Variants in ANKMY2 observed in about 807,000 individuals in gnomAD.
ANKMY2 encodes ankyrin repeat and MYND domain-containing protein 2.
In ANKMY2, 36 loss-of-function variants were observed where a neutral mutation model predicts 50.4. That is an observed-to-expected ratio of 0.71 (90% CI 0.55 to 0.94). The LOEUF is 0.94. ANKMY2 is among the 40% of genes least tolerant of loss of function. The pLI is 0.00. For synonymous variants in ANKMY2, 187 were observed against 178.8 expected, an observed-to-expected ratio of 1.05 and a Z score of -0.36; for missense variants, 565 against 524.0, an observed-to-expected ratio of 1.08 and a Z score of -0.76.
At position 16,608,506 on chromosome 7, in the gene ANKMY2, G is replaced by GTTCC. The variant is rs1201813346; in HGVS notation, c.882+1120_882+1123dup. On this transcript the variant is annotated intron_variant, in intron 7 of 9. Transcript: ENST00000306999. ...TCTGGAGCCCACTTGAAGCCCTGAT[G>GTTCC]TTCCACACTGAGAATGACATAACAA... Among the ~76,000 whole-genome samples, 4 of 152,112 alleles carry GTTCC rather than the reference G, an allele frequency of 2.6e-5. No homozygotes were observed. The East Asian group carries it at 5.8e-4, about 22-fold the overall frequency.
At chr7:16,633,610 C>A (rs185632725) in intron 2 of ANKMY2, among the ~76,000 whole-genome samples, 2 of 152,138 alleles carry the variant, frequency 1.3e-5, no homozygotes, top group African/African-American at 4.8e-5. Context: ...TGTTTCTTTT[C>A]GAATGTATTA....
chr7:16,623,101 A>C (rs1470106992), intron 4 of ANKMY2, among the ~76,000 whole-genome samples: 2 of 152,166 alleles, frequency 1.3e-5, no homozygotes, highest in Admixed American at 1.3e-4. Context: ...GCTACAAGGA[A>C]TATCTGCTGT....
At chr7:16,622,888 T>C (rs547938570) in intron 4 of ANKMY2, among the ~76,000 whole-genome samples, 4 of 152,216 alleles carry the variant, frequency 2.6e-5, no homozygotes, top group Non-Finnish European at 5.9e-5. Flanking sequence ...AGTACTAACT[T>C]GTAAAACATA....
At chr7:16,607,016 C>T (rs1404021639) in intron 7 of ANKMY2, among the ~76,000 whole-genome samples, 3 of 152,086 alleles carry the variant, frequency 2.0e-5, no homozygotes, top group Admixed American at 6.6e-5. Context: ...TGAGAACCAT[C>T]GTATGCGGGG....
At chr7:16,627,835 AT>A (rs879866923) in intron 2 of ANKMY2, among the ~76,000 whole-genome samples, 13,465 of 151,236 alleles carry the variant, frequency 0.089, 2,452 homozygotes, top group Middle Eastern at 0.13. Flanking sequence ...GTTTGGTCAA[AT>A]CACACATATA....
intron 2 of ANKMY2, among the ~76,000 whole-genome samples, 180 bp downstream of exon 2, chr7:16,636,211 G>T (rs1200788187): frequency 1.4e-5 from 2 of 143,034 alleles, no homozygotes; most frequent in African/African-American, 5.2e-5. Context: ...GCTGAGGCAG[G>T]AGAATCACTT....
intron 4 of ANKMY2, among the ~76,000 whole-genome samples, chr7:16,620,434 G>A (rs750200283): frequency 1.3e-5 from 2 of 152,138 alleles, no homozygotes; most frequent in Non-Finnish European, 2.9e-5. Context: ...AAAGACCTGT[G>A]GCCTGACAAG....
intron 4 of ANKMY2, among the ~76,000 whole-genome samples, chr7:16,617,434 C>G (rs1358029812): frequency 1.3e-5 from 2 of 152,178 alleles, no homozygotes; most frequent in African/African-American, 2.4e-5. Flanking sequence ...GTATGGGGAT[C>G]CAGCAATTCT....
chr7:16,635,254 A>G (rs944652561), intron 2 of ANKMY2, among the ~76,000 whole-genome samples: 2 of 152,200 alleles, frequency 1.3e-5, no homozygotes, highest in Non-Finnish European at 2.9e-5. Flanking sequence ...TTAAAAAAAG[A>G]GTACTTATTG....
intron 4 of ANKMY2, among the ~76,000 whole-genome samples, chr7:16,616,864 C>A (rs958790003): frequency 6.6e-6 from 1 of 152,216 alleles, no homozygotes; most frequent in African/African-American, 2.4e-5. Flanking sequence ...CCTGCTTGAT[C>A]CTGCCGACAA....
In ANKMY2 at chr7:16,603,609, C is replaced by T. The variant is rs1781105623; in HGVS notation, c.1012-1100G>A. The T allele has an allele frequency of 6.4e-6, 3 of 471,060 alleles. No individual in the cohort carries two copies. In the East Asian group the frequency reaches 2.1e-4, roughly 33 times the overall value. The allele number at this position is 471,060 out of a possible 1,614,324, so 29.2% of individuals were successfully genotyped here. ...TATTGTATTATTGGCCCCAATTCTT[C>T]ATTCATCCTTGCATTCATACACTTT... On this transcript the variant is annotated intron_variant, in intron 8 of 9. Coordinates refer to ENST00000306999, the MANE Select transcript of ANKMY2 (RefSeq NM_020319.3).
chr7:16,642,125 A>C (rs962132993), intron 1 of ANKMY2, among the ~76,000 whole-genome samples: 3 of 152,208 alleles, frequency 2.0e-5, no homozygotes, highest in Non-Finnish European at 4.4e-5. Context: ...AGATATGAAA[A>C]AAAAAAAGGA....
chr7:16,607,080 T>C (rs1368953958), intron 7 of ANKMY2, among the ~76,000 whole-genome samples: 1 of 152,154 alleles, frequency 6.6e-6, no homozygotes, highest in Non-Finnish European at 1.5e-5. Flanking sequence ...TGAAAACCAA[T>C]TAGGCAGTAA....
intron 1 of ANKMY2, among the ~76,000 whole-genome samples, chr7:16,637,044 G>C (rs1781672318): frequency 6.6e-6 from 1 of 152,176 alleles, no homozygotes; most frequent in Admixed American, 6.5e-5. Flanking sequence ...CTGTAAATTT[G>C]GAAAGAAGCT....
chr7:16,602,617 T>C (rs1399906952), intron 8 of ANKMY2, 108 bp from the exon 9 acceptor site: 3 of 1,366,300 alleles, frequency 2.2e-6, no homozygotes, highest in Non-Finnish European at 2.0e-6. Flanking sequence ...TTCCATACTT[T>C]ATTTTAAAAC....
At chr7:16,613,899 C>T (rs188817241) in intron 5 of ANKMY2, among the ~76,000 whole-genome samples, 5 of 139,622 alleles carry the variant, frequency 3.6e-5, no homozygotes, top group African/African-American at 5.4e-5. Flanking sequence ...CCAGGCTGGG[C>T]GACAGAGCAA....
chr7:16,611,996 C>A (rs1458527500), intron 5 of ANKMY2, among the ~76,000 whole-genome samples: 2 of 152,160 alleles, frequency 1.3e-5, no homozygotes, highest in African/African-American at 4.8e-5. Flanking sequence ...AAATTTTACT[C>A]CACTCACTCT....
chr7:16,629,073 G>T (rs1402646971), intron 2 of ANKMY2, among the ~76,000 whole-genome samples: 1 of 152,130 alleles, frequency 6.6e-6, no homozygotes, highest in Non-Finnish European at 1.5e-5. Flanking sequence ...TGTCATCTGT[G>T]TTAATCACTT....
At chr7:16,605,077 A>G (rs1036311877) in intron 7 of ANKMY2, among the ~76,000 whole-genome samples, 1 of 152,254 alleles carries the variant, frequency 6.6e-6, no homozygotes, top group Non-Finnish European at 1.5e-5. Context: ...AGATAATTAA[A>G]GAGAAAAAAA....
Sources: gnomAD v4.1 joint callset for allele counts (sites outside exome capture counted in the v4.1 genomes callset) on GRCh38, gnomAD v4.1.1 for gene constraint, MANE v1.5 for transcripts, NCBI Gene and HGNC (gene_info 2026-07-23, HGNC 2026-07-21) for gene names.